KLHL29: variants seen among roughly 807,000 people sequenced by gnomAD.
KLHL29 encodes kelch-like protein 29.
A neutral mutation model predicts 80.4 loss-of-function variants in KLHL29; 21 were observed. That is an observed-to-expected ratio of 0.26 (90% CI 0.19 to 0.38). The LOEUF is 0.38. KLHL29 is among the 10% of genes least tolerant of loss of function. KLHL29 has a pLI of 1.00. For missense variants in KLHL29, 867 were observed against 1,223.9 expected (o/e 0.71, Z 4.35); for synonymous variants, 511 against 526.8 (o/e 0.97, Z 0.41).
intron 2 of KLHL29, among the ~76,000 whole-genome samples, chr2:23,556,210 T>G (rs2339787): frequency 0.57 from 86,866 of 151,952 alleles, 25,135 homozygotes; most frequent in Admixed American, 0.61. Flanking sequence ...GTGTGTGCAG[T>G]GTCCAGGCTC....
chr2:23,532,019 G>A (rs572794606), intron 2 of KLHL29, among the ~76,000 whole-genome samples: 2 of 152,176 alleles, frequency 1.3e-5, no homozygotes, highest in African/African-American at 2.4e-5. Flanking sequence ...TGGAAGCCTC[G>A]ACGGCCCTTG....
chr2:23,556,281 A>T (rs1667292856), intron 2 of KLHL29, among the ~76,000 whole-genome samples: 1 of 152,096 alleles, frequency 6.6e-6, no homozygotes, highest in African/African-American at 2.4e-5. Flanking sequence ...CCAGACTGCT[A>T]CGAAGATGAC....
At chr2:23,666,181 T>C (rs1670547675) in intron 5 of KLHL29, among the ~76,000 whole-genome samples, 1 of 152,256 alleles carries the variant, frequency 6.6e-6, no homozygotes, top group South Asian at 2.1e-4. Context: ...GGGGCTCATA[T>C]TTGAGCTCCC....
intron 1 of KLHL29, among the ~76,000 whole-genome samples, chr2:23,461,847 C>T (rs936112363): frequency 1.3e-5 from 2 of 151,906 alleles, no homozygotes; most frequent in Non-Finnish European, 2.9e-5. Context: ...GCGGTGGTTC[C>T]CTGCTCTGCA....
chr2:23,702,103 G>A lies in KLHL29; in HGVS notation c.2106-1083G>A, dbSNP rs62127290. ...CTCCCAAAGTGCTGGGATGATAGGC[G>A]TGAGCCATCGCGCCCAGCCCACATG... On this transcript the variant is annotated intron_variant, in intron 11 of 13. Transcript: ENST00000486442. Among the ~76,000 whole-genome samples, 907 of 152,098 alleles carry A rather than the reference G, an allele frequency of 6.0e-3. 5 individuals are homozygous for A. The highest frequency in any genetic ancestry group is 0.02 in the Middle Eastern group (6 of 294).
At chr2:23,686,361 G>A (rs575251321) in intron 6 of KLHL29, among the ~76,000 whole-genome samples, 7 of 152,284 alleles carry the variant, frequency 4.6e-5, no homozygotes, top group African/African-American at 1.7e-4. Flanking sequence ...ACCTTGGCAG[G>A]TAGGAGACCT....
At chr2:23,475,009 TAA>T (rs111987548) in intron 1 of KLHL29, among the ~76,000 whole-genome samples, 20 of 141,650 alleles carry the variant, frequency 1.4e-4, no homozygotes, top group Admixed American at 4.2e-4. Context: ...ATCTATAATT[TAA>T]AAAAAAAAAA....
At chr2:23,513,847 A>T (rs925359055) in intron 2 of KLHL29, among the ~76,000 whole-genome samples, 2 of 152,118 alleles carry the variant, frequency 1.3e-5, no homozygotes, top group Non-Finnish European at 2.9e-5. Context: ...GCCTACAGCC[A>T]CCCCAAATTT....
intron 3 of KLHL29, among the ~76,000 whole-genome samples, chr2:23,611,423 A>G (rs897201381): frequency 1.3e-5 from 2 of 152,164 alleles, no homozygotes; most frequent in African/African-American, 4.8e-5. Flanking sequence ...AGGGCTGCAC[A>G]CTGGGCCCTC....
intron 1 of KLHL29, among the ~76,000 whole-genome samples, chr2:23,468,883 C>G (rs556056415): frequency 1.3e-5 from 2 of 152,212 alleles, no homozygotes; most frequent in African/African-American, 4.8e-5. Context: ...CTGCTTACGG[C>G]GTCCAGACTT....
chr2:23,393,261 A>G (rs1270666236), intron 1 of KLHL29, among the ~76,000 whole-genome samples: 4 of 152,198 alleles, frequency 2.6e-5, no homozygotes, highest in African/African-American at 9.7e-5. Flanking sequence ...GTGTAGTCAC[A>G]TGTTCATGGT....
At chr2:23,591,221 G>T (rs1668251646) in intron 3 of KLHL29, among the ~76,000 whole-genome samples, 1 of 152,128 alleles carries the variant, frequency 6.6e-6, no homozygotes, top group African/African-American at 2.4e-5. Context: ...CTGAGGGAGG[G>T]GTGAGGAACA....
At chr2:23,545,947 G>A (rs1364694238) in intron 2 of KLHL29, among the ~76,000 whole-genome samples, 1 of 152,252 alleles carries the variant, frequency 6.6e-6, no homozygotes, top group Non-Finnish European at 1.5e-5. Context: ...GACAGTGGGT[G>A]TCAGCCCTGC....
At chr2:23,573,448 A>C (rs779350102) in intron 3 of KLHL29, among the ~76,000 whole-genome samples, 23 of 152,296 alleles carry the variant, frequency 1.5e-4, no homozygotes, top group Non-Finnish European at 2.9e-4. Flanking sequence ...CACTCAGCAG[A>C]GTGGGATTCA....
At chr2:23,563,105 C>T (rs1013939894) in intron 3 of KLHL29, among the ~76,000 whole-genome samples, 1 of 152,220 alleles carries the variant, frequency 6.6e-6, no homozygotes, top group African/African-American at 2.4e-5. Context: ...CAGGACTTGT[C>T]CCCACAGCTG....
At chr2:23,661,164 G>C (rs1367936699) in intron 5 of KLHL29, among the ~76,000 whole-genome samples, 2 of 152,078 alleles carry the variant, frequency 1.3e-5, no homozygotes, top group African/African-American at 4.8e-5. Context: ...AACATGGCAA[G>C]ACCCCATCTC....
At chr2:23,642,995 C>G (rs1305094058) in intron 5 of KLHL29, 145 bp downstream of exon 5, 12 of 954,748 alleles carry the variant, frequency 1.3e-5, no homozygotes, top group Non-Finnish European at 2.0e-5. Flanking sequence ...GAGCCTCCAC[C>G]TGCCCAAGAC....
intron 2 of KLHL29, among the ~76,000 whole-genome samples, chr2:23,560,926 G>A (rs189679257): frequency 3.3e-5 from 5 of 152,366 alleles, no homozygotes; most frequent in South Asian, 2.1e-4. Context: ...AAAGTGGCCC[G>A]TCTGTCCACT....
chr2:23,581,491 G>GTGGC (rs1011972577), intron 3 of KLHL29, among the ~76,000 whole-genome samples: 52 of 152,276 alleles, frequency 3.4e-4, no homozygotes, highest in Admixed American at 4.6e-4. Context: ...GCCTTCCACT[G>GTGGC]TGGCCACGCA....
Sources: gnomAD v4.1 joint callset for allele counts (sites outside exome capture counted in the v4.1 genomes callset) on GRCh38, gnomAD v4.1.1 for gene constraint, MANE v1.5 for transcripts, NCBI Gene and HGNC (gene_info 2026-07-23, HGNC 2026-07-21) for gene names.